ZFAND2A: variants seen among roughly 807,000 people sequenced by gnomAD.
ZFAND2A encodes zinc finger AN1-type containing 2A, also known as AN1-type zinc finger protein 2A.
Under a neutral mutation model 11.6 loss-of-function variants are expected in ZFAND2A, and 20 were observed. The observed-to-expected ratio is 1.72, with a 90% CI of 1.21 to 2.50. The LOEUF (loss-of-function observed/expected upper bound fraction) is 2.50. Ranked by LOEUF, ZFAND2A falls within the 30% of genes most tolerant of loss-of-function variation. The pLI is 0.00. For synonymous variants in ZFAND2A, 93 were observed against 60.6 expected (o/e 1.54, Z -2.48); for missense variants, 234 against 182.9 (o/e 1.28, Z -1.61).
At chr7:1,151,412 G>A (rs1204826834), downstream of ZFAND2A, among the ~76,000 whole-genome samples, 1 of 151,984 alleles carries the variant, frequency 6.6e-6, no homozygotes. Flanking sequence ...TCGTTACAGA[G>A]GTGACATGGT....
intron 4 of ZFAND2A, among the ~76,000 whole-genome samples, chr7:1,154,636 CCG>C (rs1793479139): frequency 6.6e-6 from 1 of 152,234 alleles, no homozygotes; most frequent in African/African-American, 2.4e-5. Flanking sequence ...GAGCAAGCTT[CCG>C]CACAGAGAAT....
downstream of ZFAND2A, chr7:1,152,408 T>TC: frequency 6.9e-7 from 1 of 1,453,122 alleles, no homozygotes; most frequent in Non-Finnish European, 9.2e-7. Flanking sequence ...CCACACAGCT[T>TC]CCTGCAGGTA....
chr7:1,158,715 C>G (rs933981019), intron 1 of ZFAND2A, among the ~76,000 whole-genome samples: 8 of 152,214 alleles, frequency 5.3e-5, no homozygotes, highest in Non-Finnish European at 8.8e-5. Context: ...GGCATTGAAT[C>G]TTACTGTGAA....
intron 3 of ZFAND2A, 64 bp from the exon 4 acceptor site, chr7:1,155,648 A>T: frequency 6.3e-7 from 1 of 1,583,956 alleles, no homozygotes. Context: ...AGAAGTTTTA[A>T]ACGAGTACTC....
At chr7:1,156,807 T>G (rs1793536733) in intron 3 of ZFAND2A, among the ~76,000 whole-genome samples, 1 of 152,172 alleles carries the variant, frequency 6.6e-6, no homozygotes, top group South Asian at 2.1e-4. Flanking sequence ...AAAGTATTAG[T>G]AAACGGTCTC....
At chr7:1,159,678 C>G (rs1490723757) in intron 1 of ZFAND2A, among the ~76,000 whole-genome samples, 1 of 58,992 alleles carries the variant, frequency 1.7e-5, no homozygotes, top group East Asian at 2.9e-4. Flanking sequence ...GCCGGACCCC[C>G]AGCAGCCAGA....
At chr7:1,152,011 G>A (rs1279504083), downstream of ZFAND2A, 3 of 429,878 alleles carry the variant, frequency 7.0e-6, no homozygotes, top group Non-Finnish European at 1.2e-5. Flanking sequence ...GGATCTTGGA[G>A]GGCAGAAAAG....
chr7:1,149,309 C>T (rs1289908666), downstream of ZFAND2A, among the ~76,000 whole-genome samples: 1 of 152,196 alleles, frequency 6.6e-6, no homozygotes, highest in African/African-American at 2.4e-5. Context: ...TTTCCTTGCT[C>T]CACAGCACAC....
rs995119710 is a variant in ZFAND2A, at chr7:1,160,171, C to T, written c.-253G>A. 1 of 152,342 alleles carries T rather than the reference C, an allele frequency of 6.6e-6. No individual in the cohort carries two copies. The highest frequency in any genetic ancestry group is 6.5e-5 in the Admixed American group (1 of 15,292). The allele number at this position is 152,342 out of a possible 1,614,324, so 9.4% of individuals were successfully genotyped here. On this transcript the variant is annotated 5_prime_UTR_variant, in exon 1 of 5. Coordinates refer to ENST00000316495, the MANE Select transcript of ZFAND2A (RefSeq NM_182491.4). ...GCCTACGGGGATTTATCCGCAGCCC[C>T]CGGATCTGAGAGCCGTCTGGGCCTT...
intron 4 of ZFAND2A, among the ~76,000 whole-genome samples, chr7:1,153,878 C>T (rs1472497300): frequency 6.6e-6 from 1 of 151,966 alleles, no homozygotes; most frequent in Non-Finnish European, 1.5e-5. Flanking sequence ...GAGGCAGAGG[C>T]GGCAGTGAGC....
rs111354345 is a variant in ZFAND2A at position 1,157,672 on chromosome 7, G to A, written c.134C>T (p.Pro45Leu). 6.6e-4 allele frequency: 1,044 copies of A among 1,575,710 alleles called. 2 individuals carry two copies. The highest frequency in any genetic ancestry group is 8.1e-4 in the Non-Finnish European group (946 of 1,166,304). ...DHFPYAAHKC[P>L]FAFQKDVHVP... ...ATCAATTACCTTCTGGAATGCAAAC[G>A]GACACTTATGTGCAGCGTATGGAAA... is the stretch of plus-strand genomic sequence containing the variant. Residue 45 changes from proline to leucine, a missense_variant, in exon 3 of 5, where the codon CCG becomes CTG. Coordinates refer to ENST00000316495, the MANE Select transcript of ZFAND2A (RefSeq NM_182491.4).
intron 2 of ZFAND2A, 92 bp from the exon 3 acceptor site, chr7:1,157,842 T>C (rs745467481): frequency 9.5e-7 from 1 of 1,052,596 alleles, no homozygotes; most frequent in South Asian, 1.6e-5. Context: ...CTAAGTGTTT[T>C]AGGCCTATGA....
chr7:1,158,514 G>A (rs1562347791), intron 1 of ZFAND2A, among the ~76,000 whole-genome samples: 1 of 152,264 alleles, frequency 6.6e-6, no homozygotes, highest in South Asian at 2.1e-4. Flanking sequence ...CACACTGAGG[G>A]GGCGAGAGCT....
In ZFAND2A at chr7:1,155,485, A is replaced by C; in HGVS notation, c.250T>G (p.Cys84Gly). The C allele has an allele frequency of 6.2e-7, 1 of 1,613,886 alleles. No individual in the cohort carries two copies. Among genetic ancestry groups the C allele is most frequent in the South Asian group, 1.1e-5 (1 of 91,056 alleles). The stretch of plus-strand genomic sequence containing the variant: ...TTCTTCTTCCCAGGGTGAGAGTCAC[A>C]GTCTCTGTCAATGTGATCACCAACC... ...VVVGDHIDRDCDSHPGKKKEK... is the reference protein window; with the variant it reads ...VVVGDHIDRDGDSHPGKKKEK... Residue 84 changes from cysteine to glycine, a missense_variant, in exon 4 of 5, where the codon TGT (cysteine) becomes GGT (glycine). Coordinates refer to ENST00000316495, the MANE Select transcript of ZFAND2A (RefSeq NM_182491.4).
At chr7:1,150,310 G>A (rs115512235), downstream of ZFAND2A, among the ~76,000 whole-genome samples, 1,933 of 151,956 alleles carry the variant, frequency 0.013, 32 homozygotes, top group African/African-American at 0.044. Context: ...TACATTTTTA[G>A]ATGGTGAAAG....
chr7:1,155,899 G>T (rs1230849741), intron 3 of ZFAND2A, among the ~76,000 whole-genome samples: 1 of 152,242 alleles, frequency 6.6e-6, no homozygotes, highest in African/African-American at 2.4e-5. Context: ...ACCTCCACAG[G>T]GAGGAGATGG....
chr7:1,151,762 T>TAAAAAAAAAA (rs530920394), downstream of ZFAND2A, among the ~76,000 whole-genome samples: 29 of 87,176 alleles, frequency 3.3e-4, no homozygotes, highest in Middle Eastern at 6.5e-3. Flanking sequence ...TCATCCCTTT[T>TAAAAAAAAAA]AAAAAAAAAA....
downstream of ZFAND2A, chr7:1,152,100 C>A (rs970092245): frequency 2.3e-5 from 25 of 1,065,008 alleles, no homozygotes; most frequent in Non-Finnish European, 3.0e-5. Flanking sequence ...AACTTGGGGT[C>A]CCAGTCCTGT....
At chr7:1,156,890 TC>T (rs1793539076) in intron 3 of ZFAND2A, 1 of 152,342 alleles carries the variant, frequency 6.6e-6, no homozygotes, top group South Asian at 2.1e-4. Flanking sequence ...GGCTTAGTCA[TC>T]CGTGCCTAGT....
Sources: gnomAD v4.1 joint callset for allele counts (sites outside exome capture counted in the v4.1 genomes callset) on GRCh38, gnomAD v4.1.1 for gene constraint, MANE v1.5 for transcripts, NCBI Gene and HGNC (gene_info 2026-07-23, HGNC 2026-07-21) for gene names.